RBKS: variants seen among roughly 807,000 people sequenced by gnomAD.
The protein encoded by RBKS is ribokinase.
In RBKS, 33 loss-of-function variants were observed where a neutral mutation model predicts 33.9. The ratio of observed to expected loss-of-function variants is 0.97; its 90% CI spans 0.74 to 1.30. The LOEUF (loss-of-function observed/expected upper bound fraction) is 1.30, where lower values mean the gene tolerates loss of function less well. Ranked by LOEUF, RBKS falls within the 50% of genes most tolerant of loss-of-function variation. The pLI, the probability that RBKS is intolerant of heterozygous loss-of-function variation, is 0.00. For synonymous variants in RBKS, 125 were observed against 143.0 expected (o/e 0.87, Z 0.90); for missense variants, 361 against 392.6 (o/e 0.92, Z 0.68).
intron 4 of RBKS, among the ~76,000 whole-genome samples, chr2:27,844,852 T>C (rs1004831718): frequency 6.6e-6 from 1 of 152,214 alleles, no homozygotes; most frequent in African/African-American, 2.4e-5. Context: ...TTTATTTTTA[T>C]TGGACAACAC....
At chr2:27,789,949 G>GTATA (rs35109548) in intron 7 of RBKS, among the ~76,000 whole-genome samples, 19,676 of 121,140 alleles carry the variant, frequency 0.16, 1,866 homozygotes, top group East Asian at 0.33. Context: ...ATGTATATGT[G>GTATA]TATATATATA....
rs151191479 is a variant in RBKS, at chr2:27,881,402, G to A, written c.89+8855C>T. ...CTAAAAATACAAAAATTAGCCAGCC[G>A]TAGTGGTGTGGGCCTGTAGTCCCAG... is the stretch of plus-strand genomic sequence containing the variant. On this transcript the variant is annotated intron_variant, in intron 1 of 7. Transcript: ENST00000302188. Among the ~76,000 whole-genome samples, 90 of 152,032 alleles carry A rather than the reference G, an allele frequency of 5.9e-4. 1 individual carries two copies. The highest frequency in any genetic ancestry group is 2.0e-3 in the African/African-American group (83 of 41,450).
At chr2:27,880,424 G>A (rs983145961) in intron 1 of RBKS, among the ~76,000 whole-genome samples, 1 of 152,144 alleles carries the variant, frequency 6.6e-6, no homozygotes, top group Non-Finnish European at 1.5e-5. Flanking sequence ...CCTTGCCAGA[G>A]TAACCAGGCA....
Position 27,781,587 on chromosome 2 carries a change from G to A in RBKS, c.*28C>T, listed in dbSNP as rs1677284411. On this transcript the variant is annotated 3_prime_UTR_variant, in exon 8 of 8. Transcript: ENST00000302188. ...CACCCCCAAGTACATTTTATTCCCAGGTATATTTATTTTGGGACTAATAGC... is the reference window on the plus strand; with the variant it reads ...CACCCCCAAGTACATTTTATTCCCAAGTATATTTATTTTGGGACTAATAGC... The A allele has an allele frequency of 1.3e-6, 2 of 1,564,492 alleles. No individual in the cohort carries two copies. Among genetic ancestry groups the A allele is most frequent in the African/African-American group, 1.4e-5 (1 of 73,088 alleles).
chr2:27,881,668 T>C (rs754090565), intron 1 of RBKS, among the ~76,000 whole-genome samples: 2 of 152,138 alleles, frequency 1.3e-5, no homozygotes, highest in Non-Finnish European at 2.9e-5. Context: ...CTTCAAACTA[T>C]ACTTCAGGGC....
chr2:27,829,318 G>T (rs1325991854), intron 6 of RBKS, among the ~76,000 whole-genome samples: 1 of 150,856 alleles, frequency 6.6e-6, no homozygotes, highest in African/African-American at 2.4e-5. Flanking sequence ...GAGTTGGAAA[G>T]CTGTCACACA....
intron 6 of RBKS, among the ~76,000 whole-genome samples, chr2:27,831,446 T>C (rs1678412321): frequency 6.6e-6 from 1 of 152,192 alleles, no homozygotes; most frequent in South Asian, 2.1e-4. Flanking sequence ...TAACCTCTTA[T>C]TGTGAAATGA....
chr2:27,877,185 T>C (rs1254605320), intron 1 of RBKS, among the ~76,000 whole-genome samples: 1 of 152,182 alleles, frequency 6.6e-6, no homozygotes, highest in Non-Finnish European at 1.5e-5. Context: ...TCAAGTTTCT[T>C]TGCTACTCTG....
chr2:27,816,257 A>C (rs1259608609), intron 7 of RBKS, among the ~76,000 whole-genome samples: 1 of 152,244 alleles, frequency 6.6e-6, no homozygotes, highest in Admixed American at 6.5e-5. Flanking sequence ...TTAGCTAATA[A>C]ATGAGGTGAT....
intron 7 of RBKS, among the ~76,000 whole-genome samples, chr2:27,789,973 G>GTATATATATATATATA (rs1285630907): frequency 1.2e-5 from 1 of 85,260 alleles, no homozygotes; most frequent in African/African-American, 4.8e-5. Flanking sequence ...ATATATATAT[G>GTATATATATATATATA]TATATATATA....
chr2:27,814,844 G>A (rs1365349645), intron 7 of RBKS, among the ~76,000 whole-genome samples: 1 of 152,118 alleles, frequency 6.6e-6, no homozygotes, highest in African/African-American at 2.4e-5. Flanking sequence ...TTCTGTATTT[G>A]TTCTTAAAGG....
intron 1 of RBKS, among the ~76,000 whole-genome samples, chr2:27,860,859 TG>T (rs1353893665): frequency 3.3e-5 from 5 of 152,260 alleles, no homozygotes; most frequent in Admixed American, 6.5e-5. Context: ...AAGTCTGTCA[TG>T]TTCTCCATTT....
At chr2:27,805,606 A>T (rs1193857060) in intron 7 of RBKS, among the ~76,000 whole-genome samples, 1 of 151,908 alleles carries the variant, frequency 6.6e-6, no homozygotes, top group African/African-American at 2.4e-5. Context: ...ACTGAGTCTC[A>T]CTCTGTCGCC....
intron 7 of RBKS, among the ~76,000 whole-genome samples, chr2:27,788,433 C>A (rs1009328612): frequency 6.6e-6 from 1 of 152,168 alleles, no homozygotes; most frequent in Admixed American, 6.5e-5. Flanking sequence ...CAGCCAGGCG[C>A]GGTGGCTCAC....
intron 1 of RBKS, among the ~76,000 whole-genome samples, chr2:27,861,853 T>C (rs1405977536): frequency 6.6e-6 from 1 of 151,834 alleles, no homozygotes; most frequent in East Asian, 1.9e-4. Flanking sequence ...TAGGGTTTCA[T>C]TTTATTGTCC....
At chr2:27,807,938 G>A (rs1302125952) in intron 7 of RBKS, among the ~76,000 whole-genome samples, 1 of 152,116 alleles carries the variant, frequency 6.6e-6, no homozygotes, top group Non-Finnish European at 1.5e-5. Flanking sequence ...CTAAATATTG[G>A]TTCTATTTTA....
intron 1 of RBKS, among the ~76,000 whole-genome samples, chr2:27,878,103 C>T (rs1225087961): frequency 6.6e-6 from 1 of 151,440 alleles, no homozygotes; most frequent in Non-Finnish European, 1.5e-5. Flanking sequence ...CATATGTATA[C>T]ATGTGCCATG....
intron 7 of RBKS, among the ~76,000 whole-genome samples, chr2:27,788,587 G>A (rs919222371): frequency 1.3e-5 from 2 of 152,138 alleles, no homozygotes; most frequent in Non-Finnish European, 2.9e-5. Flanking sequence ...GGCACCTGTA[G>A]TCCCAGCTAC....
intron 7 of RBKS, among the ~76,000 whole-genome samples, chr2:27,783,524 C>CTG (rs1677328685): frequency 6.6e-6 from 1 of 151,016 alleles, no homozygotes; most frequent in South Asian, 2.1e-4. Context: ...GTCTGTGGAC[C>CTG]TGTGCCTTTG....
Sources: gnomAD v4.1 joint callset for allele counts (sites outside exome capture counted in the v4.1 genomes callset) on GRCh38, gnomAD v4.1.1 for gene constraint, MANE v1.5 for transcripts, NCBI Gene and HGNC (gene_info 2026-07-23, HGNC 2026-07-21) for gene names.